Variants in GRIK4 observed in about 807,000 individuals in gnomAD.
GRIK4 encodes glutamate ionotropic receptor kainate type subunit 4, also known as glutamate receptor ionotropic, kainate 4.
GRIK4 carries 40 observed loss-of-function variants against 104.9 expected under a neutral mutation model. That is an observed-to-expected ratio of 0.38 (90% CI 0.30 to 0.50). The LOEUF is 0.50. Ranked by LOEUF, GRIK4 falls within the 20% of genes least tolerant of loss-of-function variation. The pLI is 0.93. For missense variants in GRIK4, 1,047 were observed against 1,308.1 expected (o/e 0.80, Z 3.08); for synonymous variants, 485 against 524.9 (o/e 0.92, Z 1.04).
rs1423149319 is a variant in GRIK4 at position 120,555,216 on chromosome 11, G to A, written c.-159+43329G>A. On this transcript the variant is annotated intron_variant, in intron 1 of 20. Transcript: ENST00000527524. The surrounding 1 kb of genome is among the most constrained non-coding windows in gnomAD (Gnocchi z 5.3). ...GCAAATGGAGGCGGCATGCCCCAGA[G>A]AGCCCTATGCTTTTTGCTGGCTGTC... 2.6e-5 allele frequency among the ~76,000 whole-genome samples: 4 copies of A among 152,220 alleles called. No homozygotes were observed. Among genetic ancestry groups the A allele is most frequent in the Non-Finnish European group, 4.4e-5 (3 of 68,040 alleles).
rs138177885 is a variant in GRIK4 at position 120,538,533 on chromosome 11, T to G, written c.-159+26646T>G. Among the ~76,000 whole-genome samples, 301 of 152,318 alleles carry G rather than the reference T, an allele frequency of 2.0e-3. 1 individual carries two copies. Among genetic ancestry groups the G allele is most frequent in the African/African-American group, 6.2e-3 (259 of 41,572 alleles). On this transcript the variant is annotated intron_variant, in intron 1 of 20. Coordinates refer to ENST00000527524, the MANE Select transcript of GRIK4 (RefSeq NM_014619.5). ...CGTGAGTTAGAATCAATTTTCACAT[T>G]AGTAATGAAATTGCATGTATTGCAT...
chr11:120,567,398 A>T (rs1196935999), intron 1 of GRIK4, among the ~76,000 whole-genome samples: 1 of 151,514 alleles, frequency 6.6e-6, no homozygotes, highest in Non-Finnish European at 1.5e-5. Context: ...GGCTCAAGCA[A>T]TCCTCCCACC....
chr11:120,560,738 T>G (rs1948230589), intron 1 of GRIK4, among the ~76,000 whole-genome samples: 1 of 152,210 alleles, frequency 6.6e-6, no homozygotes, highest in African/African-American at 2.4e-5. Context: ...TATTGGGTTG[T>G]GAGGATTAAA....
Position 120,903,081 on chromosome 11 carries a change from T to C in GRIK4, c.1273-2209T>C, listed in dbSNP as rs7109151. Among the ~76,000 whole-genome samples, 11,502 of 152,102 alleles carry C rather than the reference T, an allele frequency of 0.076. 1,476 individuals are homozygous for C. The highest frequency in any genetic ancestry group is 0.26 in the African/African-American group (10,880 of 41,406). On this transcript the variant is annotated intron_variant, in intron 12 of 20. Coordinates refer to ENST00000527524, the MANE Select transcript of GRIK4 (RefSeq NM_014619.5). This position sits in a 1 kb window ranked among gnomAD's most constrained non-coding sequence, Gnocchi z 4.4. Reference sequence around the variant, plus strand: ...TCCATCTTCCCCAGCCTAGAAGTCCTTCTCAGAACGAGCTCAGCCCATCAG... The same window carrying C: ...TCCATCTTCCCCAGCCTAGAAGTCCCTCTCAGAACGAGCTCAGCCCATCAG...
intron 14 of GRIK4, among the ~76,000 whole-genome samples, chr11:120,949,160 A>G (rs1943938831): frequency 1.3e-5 from 2 of 152,156 alleles, no homozygotes; most frequent in South Asian, 2.1e-4. Flanking sequence ...GTTTTTAAGG[A>G]TAAGAGGAAC....
At chr11:120,536,921 C>T (rs1327144292) in intron 1 of GRIK4, among the ~76,000 whole-genome samples, 1 of 152,252 alleles carries the variant, frequency 6.6e-6, no homozygotes, top group East Asian at 1.9e-4. Flanking sequence ...GCCCAGACGC[C>T]TGCTGAGGAG....
intron 13 of GRIK4, among the ~76,000 whole-genome samples, chr11:120,907,945 G>T (rs1482061611): frequency 1.3e-5 from 2 of 152,164 alleles, no homozygotes; most frequent in African/African-American, 4.8e-5. Context: ...TGAAGGATTG[G>T]GATGTTTTCC....
intron 3 of GRIK4, among the ~76,000 whole-genome samples, chr11:120,696,351 G>A (rs1047195381): frequency 4.6e-5 from 7 of 152,074 alleles, no homozygotes; most frequent in Admixed American, 2.6e-4. Context: ...GGTGGATTGG[G>A]TGGGGCAGGG....
At chr11:120,771,257 G>T (rs1951936281) in intron 3 of GRIK4, among the ~76,000 whole-genome samples, 1 of 152,166 alleles carries the variant, frequency 6.6e-6, no homozygotes, top group South Asian at 2.1e-4. Flanking sequence ...GAAGATAGAG[G>T]CCATCCCAAT....
intron 1 of GRIK4, among the ~76,000 whole-genome samples, chr11:120,634,159 C>T (rs908176154): frequency 1.3e-5 from 2 of 152,152 alleles, no homozygotes; most frequent in Non-Finnish European, 2.9e-5. Flanking sequence ...AAGTGCTTGG[C>T]GTCCTGCCTG....
At chr11:120,637,104 T>C (rs1398096836) in intron 1 of GRIK4, among the ~76,000 whole-genome samples, 1 of 144,050 alleles carries the variant, frequency 6.9e-6, no homozygotes, top group Non-Finnish European at 1.5e-5. Context: ...GAAGAGAAGA[T>C]GCAGGAAGAA....
chr11:120,889,163 C>T (rs975928630), intron 11 of GRIK4, among the ~76,000 whole-genome samples: 5 of 152,198 alleles, frequency 3.3e-5, no homozygotes, highest in Non-Finnish European at 5.9e-5. Context: ...GACTCAGTCT[C>T]CTCTGTGAAT....
In GRIK4 at chr11:120,949,041, C is replaced by T. The variant is rs77307981; in HGVS notation, c.1591-3814C>T. Among the ~76,000 whole-genome samples the T allele has an allele frequency of 3.7e-3, 569 of 152,290 alleles. 3 individuals carry two copies. Among genetic ancestry groups the T allele is most frequent in the East Asian group, 0.028 (145 of 5,192 alleles). On this transcript the variant is annotated intron_variant, in intron 14 of 20. Transcript: ENST00000527524. ...ACTACCTGTCCTGACTGCCTGGCTC[C>T]GGTGTCCCCATGAATCTGGCTTCAG... is the stretch of plus-strand genomic sequence containing the variant.
intron 1 of GRIK4, among the ~76,000 whole-genome samples, chr11:120,591,126 G>A (rs17311310): frequency 0.28 from 42,547 of 151,782 alleles, 7,745 homozygotes; most frequent in Non-Finnish European, 0.41. Context: ...GAAAGAATAG[G>A]ACCATGGTGT....
intron 3 of GRIK4, among the ~76,000 whole-genome samples, chr11:120,741,275 C>CTTTTTTT (rs762543001): frequency 1.9e-4 from 20 of 106,884 alleles, no homozygotes; most frequent in Non-Finnish European, 2.7e-4. Context: ...CGTGTGCTTT[C>CTTTTTTT]TTTTTTTTTT....
intron 3 of GRIK4, among the ~76,000 whole-genome samples, chr11:120,735,690 T>TG (rs372502130): frequency 6.7e-6 from 1 of 150,114 alleles, no homozygotes; most frequent in Non-Finnish European, 1.5e-5. Flanking sequence ...GGGATTGGAG[T>TG]GAAAAAAAAA....
intron 1 of GRIK4, among the ~76,000 whole-genome samples, chr11:120,632,143 T>A (rs1949340455): frequency 6.6e-6 from 1 of 152,148 alleles, no homozygotes; most frequent in South Asian, 2.1e-4. Flanking sequence ...CGTGGAGGCC[T>A]CATGAATGGG....
At chr11:120,534,451 C>G (rs910178580) in intron 1 of GRIK4, among the ~76,000 whole-genome samples, 13 of 152,010 alleles carry the variant, frequency 8.6e-5, no homozygotes, top group African/African-American at 3.1e-4. Context: ...ATGAGCTCCC[C>G]TCGAAAGAAT....
chr11:120,625,972 A>G (rs1016973242), intron 1 of GRIK4, among the ~76,000 whole-genome samples: 2 of 152,130 alleles, frequency 1.3e-5, no homozygotes, highest in African/African-American at 4.8e-5. Context: ...AGAAATATAA[A>G]AGGCCAACTT....
Sources: allele counts gnomAD v4.1 joint callset (sites outside exome capture counted in the v4.1 genomes callset), GRCh38; gene constraint gnomAD v4.1.1; non-coding constraint Gnocchi (gnomAD v3.1); transcripts MANE v1.5; gene names NCBI Gene and HGNC (gene_info 2026-07-23, HGNC 2026-07-21).